Variants in PTPRD observed in about 807,000 individuals in gnomAD.
The protein encoded by PTPRD is protein tyrosine phosphatase receptor type D, also known as receptor-type tyrosine-protein phosphatase delta.
Under a neutral mutation model 214.5 loss-of-function variants are expected in PTPRD, and 34 were observed. That is an observed-to-expected ratio of 0.16 (90% CI 0.12 to 0.21). PTPRD has a LOEUF of 0.21. PTPRD is among the 10% of genes least tolerant of loss of function. The probability of loss-of-function intolerance (pLI) is 1.00; values close to 1 mark genes in which losing one functional copy is unlikely to be tolerated. For synonymous variants in PTPRD, 1,128 were observed against 845.7 expected (o/e 1.33, Z -5.79); for missense variants, 2,545 against 2,398.7 (o/e 1.06, Z -1.27).
chr9:10,122,254 G>A (rs1312665665), intron 3 of PTPRD, among the ~76,000 whole-genome samples: 3 of 152,184 alleles, frequency 2.0e-5, no homozygotes, highest in Non-Finnish European at 4.4e-5. Context: ...GCTGCAGTGA[G>A]CTGAGATTGT....
chr9:8,605,133 C>A (rs1246162424), intron 14 of PTPRD, among the ~76,000 whole-genome samples: 1 of 152,214 alleles, frequency 6.6e-6, no homozygotes, highest in Non-Finnish European at 1.5e-5. Context: ...ATAAACTCTT[C>A]TTCTATCAAC....
chr9:8,649,826 G>A (rs887081807), intron 12 of PTPRD, among the ~76,000 whole-genome samples: 2 of 152,062 alleles, frequency 1.3e-5, no homozygotes, highest in Non-Finnish European at 2.9e-5. Flanking sequence ...AATATTAGAT[G>A]ATTCCAATGA....
chr9:8,483,715 G>T (rs1263430996), intron 30 of PTPRD, among the ~76,000 whole-genome samples: 2 of 152,176 alleles, frequency 1.3e-5, no homozygotes, highest in Non-Finnish European at 2.9e-5. Context: ...GGAGGTGGAG[G>T]TTGCAGTGAG....
At chr9:9,598,683 TCA>T (rs1441038336) in intron 7 of PTPRD, among the ~76,000 whole-genome samples, 2 of 152,072 alleles carry the variant, frequency 1.3e-5, no homozygotes, top group African/African-American at 4.8e-5. Context: ...TCCTATTTTT[TCA>T]CAGTATTAAA....
intron 2 of PTPRD, among the ~76,000 whole-genome samples, chr9:10,503,361 C>T (rs1282472259): frequency 6.6e-6 from 1 of 151,646 alleles, no homozygotes; most frequent in Non-Finnish European, 1.5e-5. Context: ...AGTTAGAGTT[C>T]AAAGTGATTT....
In PTPRD at chr9:8,460,371, C is replaced by T. The variant is rs745531181; in HGVS notation, c.3875+40G>A. 4.4e-5 allele frequency: 71 copies of T among 1,605,836 alleles called. No individual in the cohort carries two copies. In the Middle Eastern group the frequency reaches 5.0e-4, roughly 11 times the overall value. On this transcript the variant is annotated intron_variant, in intron 33 of 45. Transcript: ENST00000381196. ...AATGATCAAGTCTTCAAAAATAAGGCAGCCTCCAAAATTACAACAGAAATA... is the reference window on the plus strand; with the variant it reads ...AATGATCAAGTCTTCAAAAATAAGGTAGCCTCCAAAATTACAACAGAAATA...
chr9:8,682,920 T>C lies in PTPRD; in HGVS notation c.65-46076A>G, dbSNP rs12340949. 7.0e-3 allele frequency among the ~76,000 whole-genome samples: 1,059 copies of C among 152,294 alleles called. 20 individuals carry two copies. The highest frequency in any genetic ancestry group is 0.024 in the African/African-American group (1,013 of 41,556). On this transcript the variant is annotated intron_variant, in intron 12 of 45. Transcript: ENST00000381196. ...GAGTTTCTGCTGTTGCTATTTTGTTTTCAGTATTTGTTTCAAGCATTCAAG... is the reference window on the plus strand; with the variant it reads ...GAGTTTCTGCTGTTGCTATTTTGTTCTCAGTATTTGTTTCAAGCATTCAAG...
At chr9:10,064,677 A>G (rs2097844519) in intron 3 of PTPRD, among the ~76,000 whole-genome samples, 1 of 151,958 alleles carries the variant, frequency 6.6e-6, no homozygotes, top group South Asian at 2.1e-4. Flanking sequence ...CAATTAACCC[A>G]CAAAAACCAT....
Position 8,331,626 on chromosome 9 carries a change from T to A in PTPRD, c.5490A>T (p.Thr1830=), listed in dbSNP as rs376400921. 2 of 1,611,454 alleles carry A rather than the reference T, an allele frequency of 1.2e-6. No homozygotes were observed. The highest frequency in any genetic ancestry group is 1.7e-6 in the Non-Finnish European group (2 of 1,179,370). ...GTCCATCTTGGCCAAACTGTTCTTT[T>A]GTTTTATGGACTTGGCCGATGAAGT... ...FIDFIGQVHK[T]KEQFGQDGPI... is the part of the protein sequence containing the mutation. The change falls in exon 44 of 46, where the codon ACA becomes ACT. Residue 1830 remains threonine, a synonymous_variant. Coordinates refer to ENST00000381196, the MANE Select transcript of PTPRD (RefSeq NM_002839.4).
chr9:8,899,207 G>A (rs1240253642), intron 11 of PTPRD, among the ~76,000 whole-genome samples: 2 of 152,166 alleles, frequency 1.3e-5, no homozygotes, highest in Non-Finnish European at 2.9e-5. Flanking sequence ...TAATCCAAGA[G>A]CACCGTAATT....
intron 3 of PTPRD, among the ~76,000 whole-genome samples, chr9:10,087,998 T>C (rs1347642986): frequency 1.3e-5 from 2 of 151,810 alleles, no homozygotes; most frequent in African/African-American, 4.8e-5. Context: ...GTATGTGTCC[T>C]AATATGCTTG....
chr9:9,267,351 A>G (rs1414483254), intron 9 of PTPRD, among the ~76,000 whole-genome samples: 2 of 151,308 alleles, frequency 1.3e-5, no homozygotes, highest in South Asian at 4.1e-4. Flanking sequence ...ACAATAAATA[A>G]TGAAGAAATA....
intron 5 of PTPRD, among the ~76,000 whole-genome samples, chr9:9,862,565 C>A (rs776253065): frequency 6.6e-6 from 1 of 152,106 alleles, no homozygotes; most frequent in South Asian, 2.1e-4. Context: ...TCAGAAACTG[C>A]GAGAATCAAA....
At chr9:9,893,142 C>G (rs552525902) in intron 5 of PTPRD, among the ~76,000 whole-genome samples, 1 of 151,978 alleles carries the variant, frequency 6.6e-6, no homozygotes, top group African/African-American at 2.4e-5. Flanking sequence ...ATAATCAGAG[C>G]TATGATCTTG....
At chr9:8,420,818 T>C (rs34592794) in intron 35 of PTPRD, among the ~76,000 whole-genome samples, 1 of 147,304 alleles carries the variant, frequency 6.8e-6, no homozygotes, top group Non-Finnish European at 1.5e-5. Flanking sequence ...TTTTTTTTTT[T>C]AAAAAAAGAA....
Position 10,005,717 on chromosome 9 carries a change from G to A in PTPRD, c.-472+28001C>T, listed in dbSNP as rs145349820. ...ATAAAACCTTCTGGAAAGGTACCTC[G>A]TAATATATATTGATAAAATGAAAAT... is the stretch of plus-strand genomic sequence containing the variant. On this transcript the variant is annotated intron_variant, in intron 4 of 45. Coordinates refer to ENST00000381196, the MANE Select transcript of PTPRD (RefSeq NM_002839.4). 4.4e-3 allele frequency among the ~76,000 whole-genome samples: 664 copies of A among 151,966 alleles called. 6 individuals carry two copies. The highest frequency in any genetic ancestry group is 0.01 in the Middle Eastern group (3 of 292).
intron 5 of PTPRD, among the ~76,000 whole-genome samples, chr9:9,779,836 A>G (rs1344628128): frequency 6.6e-6 from 1 of 152,210 alleles, no homozygotes; most frequent in Non-Finnish European, 1.5e-5. Flanking sequence ...CCACTTGGGG[A>G]AAGCAGTTTG....
intron 8 of PTPRD, among the ~76,000 whole-genome samples, chr9:9,487,612 A>G (rs1335244126): frequency 6.6e-6 from 1 of 152,182 alleles, no homozygotes; most frequent in African/African-American, 2.4e-5. Context: ...TTGCTTTAGG[A>G]AATGACTTCC....
intron 4 of PTPRD, among the ~76,000 whole-genome samples, chr9:10,004,213 A>G (rs2096410943): frequency 6.6e-6 from 1 of 151,908 alleles, no homozygotes; most frequent in Non-Finnish European, 1.5e-5. Flanking sequence ...GGTTGTATAT[A>G]TTGGGTGTTG....
Sources: gnomAD v4.1 joint callset for allele counts (sites outside exome capture counted in the v4.1 genomes callset) on GRCh38, gnomAD v4.1.1 for gene constraint, MANE v1.5 for transcripts, NCBI Gene and HGNC (gene_info 2026-07-23, HGNC 2026-07-21) for gene names.